Variants in KNDC1 observed in about 807,000 individuals in gnomAD.
The protein encoded by KNDC1 is kinase non-catalytic C-lobe domain containing 1.
KNDC1 carries 106 observed loss-of-function variants against 172.8 expected under a neutral mutation model. That is an observed-to-expected ratio of 0.61 (90% confidence interval 0.52 to 0.72). The LOEUF (loss-of-function observed/expected upper bound fraction) is 0.72, where lower values mean the gene tolerates loss of function less well. Ranked by LOEUF, KNDC1 falls within the 30% of genes least tolerant of loss-of-function variation. The pLI is 0.00. For synonymous variants in KNDC1, 1,083 were observed against 1,062.2 expected, an observed-to-expected ratio of 1.02 and a Z score of -0.38; for missense variants, 2,325 against 2,394.5, an observed-to-expected ratio of 0.97 and a Z score of 0.61.
chr10:133,214,499 A>C (rs1845437289), intron 26 of KNDC1, among the ~76,000 whole-genome samples: 1 of 150,460 alleles, frequency 6.6e-6, no homozygotes, highest in Non-Finnish European at 1.5e-5. Context: ...CACTGCTACC[A>C]CCCCCACCTG....
chr10:133,217,674 A>G (rs1845496064), intron 26 of KNDC1, among the ~76,000 whole-genome samples: 1 of 151,918 alleles, frequency 6.6e-6, no homozygotes, highest in Admixed American at 6.6e-5. Context: ...CCCCATCTCT[A>G]CTAAAAATAC....
chr10:133,216,671 CA>C (rs930629624), intron 26 of KNDC1, among the ~76,000 whole-genome samples: 2 of 150,686 alleles, frequency 1.3e-5, no homozygotes, highest in Non-Finnish European at 3.0e-5. Context: ...GACCCTATCT[CA>C]AAAAAAATAA....
intron 16 of KNDC1, among the ~76,000 whole-genome samples, chr10:133,200,674 G>A (rs1308200811): frequency 6.6e-6 from 1 of 152,030 alleles, no homozygotes; most frequent in South Asian, 2.1e-4. Context: ...GCCAAAGGCC[G>A]TCCTCTCCTG....
rs1377056855 is a variant in KNDC1 at position 133,201,486 on chromosome 10, T to G, written c.2990-15T>G. 1 of 1,578,252 alleles carries G rather than the reference T, an allele frequency of 6.3e-7. No individual in the cohort carries two copies. Among genetic ancestry groups the G allele is most frequent in the East Asian group, 2.2e-5 (1 of 44,602 alleles). Reference sequence around the variant, plus strand: ...GGAGCCACTGTCCACGTAACCTGCGTCTCTTTCTTTCAAGGAAAAGAGAAG... The same window carrying G: ...GGAGCCACTGTCCACGTAACCTGCGGCTCTTTCTTTCAAGGAAAAGAGAAG... On this transcript the variant is annotated splice_polypyrimidine_tract_variant and intron_variant, in intron 16 of 29. Coordinates refer to ENST00000304613, the MANE Select transcript of KNDC1 (RefSeq NM_152643.8).
rs186494716 is a variant in KNDC1 at position 133,188,069 on chromosome 10, G to A, written c.1327-470G>A. 5.8e-4 allele frequency among the ~76,000 whole-genome samples: 88 copies of A among 152,220 alleles called. 1 individual carries two copies. The highest frequency in any genetic ancestry group is 1.9e-3 in the African/African-American group (79 of 41,544). ...CGGTTCCTCCCCAGGGAGCCTGCGT[G>A]AGAACCCCCCATCCCTGTCCCGAGG... On this transcript the variant is annotated intron_variant, in intron 6 of 29. Transcript: ENST00000304613.
At chr10:133,182,336 G>A (rs7086197) in intron 3 of KNDC1, among the ~76,000 whole-genome samples, 58,634 of 151,554 alleles carry the variant, frequency 0.39, 13,094 homozygotes, top group South Asian at 0.63. Flanking sequence ...CAGGACGCAG[G>A]TGCATGTCCA....
Position 133,213,981 on chromosome 10 carries a change from T to C in KNDC1, c.4536T>C (p.Ser1512=), listed in dbSNP as rs1845426226. 8.7e-6 allele frequency: 14 copies of C among 1,614,160 alleles called. No homozygotes were observed. Among genetic ancestry groups the C allele is most frequent in the Non-Finnish European group, 1.2e-5 (14 of 1,179,980 alleles). ...CATATTTCTCTTCCAGAGCCAGCTC[T>C]TCTGAGTCTCTTTCGGCCAAAACCT... The part of the protein sequence containing the change: ...DKSTAIPKAS[S]SESLSAKTCS... Residue 1512 remains serine, a synonymous_variant, in exon 26 of 30, where the codon TCT becomes TCC. Coordinates refer to ENST00000304613, the MANE Select transcript of KNDC1 (RefSeq NM_152643.8).
chr10:133,193,525 C>G (rs1300216521), intron 9 of KNDC1, among the ~76,000 whole-genome samples: 1 of 150,588 alleles, frequency 6.6e-6, no homozygotes, highest in East Asian at 1.9e-4. Flanking sequence ...GACCCTGTCT[C>G]TTAAATAAAT....
At chr10:133,170,086 T>C (rs1279898777) in intron 3 of KNDC1, among the ~76,000 whole-genome samples, 1 of 152,242 alleles carries the variant, frequency 6.6e-6, no homozygotes, top group African/African-American at 2.4e-5. Flanking sequence ...GTGGCCATAA[T>C]GTGGCACCTG....
At chr10:133,172,101 G>A (rs569554457) in intron 3 of KNDC1, among the ~76,000 whole-genome samples, 145 of 152,304 alleles carry the variant, frequency 9.5e-4, no homozygotes, top group Middle Eastern at 3.4e-3. Context: ...CTTACTTGAT[G>A]CAGCAGGGAA....
At chr10:133,202,680 G>C in intron 17 of KNDC1, 1 of 456,672 alleles carries the variant, frequency 2.2e-6, no homozygotes, top group Non-Finnish European at 4.4e-6. Flanking sequence ...CTCCTCTCCT[G>C]CCGCCTCCTG....
At chr10:133,211,391 T>TGGCAGCTC (rs1209602639) in intron 21 of KNDC1, 31 bp from the exon 22 acceptor site, 2 of 1,602,742 alleles carry the variant, frequency 1.2e-6, no homozygotes, top group Admixed American at 1.7e-5. Flanking sequence ...TCCCACATCC[T>TGGCAGCTC]GGCAGCTCAG....
At chr10:133,192,244 C>T (rs892706773) in intron 9 of KNDC1, among the ~76,000 whole-genome samples, 2 of 152,226 alleles carry the variant, frequency 1.3e-5, no homozygotes, top group African/African-American at 2.4e-5. Flanking sequence ...CGTTACCCAA[C>T]TTCAAACTAT....
At chr10:133,221,713 TTATAA>T (rs1282878331) in intron 29 of KNDC1, among the ~76,000 whole-genome samples, 2 of 152,240 alleles carry the variant, frequency 1.3e-5, no homozygotes, top group East Asian at 1.9e-4. Context: ...AAAACAATAA[TTATAA>T]TATGCCATAA....
chr10:133,209,887 G>C lies in KNDC1; in HGVS notation c.3795-724G>C, dbSNP rs981600208. ...TCCGCTTCCTGACCGTGGCCGTCGG[G>C]CTCCCAGGACAGTCCCAGACCTGCA... On this transcript the variant is annotated intron_variant, in intron 20 of 29. Coordinates refer to ENST00000304613, the MANE Select transcript of KNDC1 (RefSeq NM_152643.8). The surrounding 1 kb of genome is among the most constrained non-coding windows in gnomAD (Gnocchi z 4.9). 1.3e-5 allele frequency among the ~76,000 whole-genome samples: 2 copies of C among 152,122 alleles called. No individual in the cohort carries two copies. The highest frequency in any genetic ancestry group is 4.8e-5 in the African/African-American group (2 of 41,404).
Position 133,186,500 on chromosome 10 carries a change from CAG to C in KNDC1, c.1153_1154del (p.Arg385GlyfsTer31). 1 of 1,612,374 alleles carries C rather than the reference CAG, an allele frequency of 6.2e-7. No individual in the cohort carries two copies. The highest frequency in any genetic ancestry group is 8.5e-7 in the Non-Finnish European group (1 of 1,179,762). ...TTCCCTGTGCAGGCCGCAGCACGGA[CAG>C]GGGCCCTGGGGTGCCCGGCAGTCCA... ...RVPCAGRSTDRGPGVPGSPGQ... is the reference protein window; with the variant it reads ...RVPCAGRSTDXGPGVPGSPGQ... On this transcript the variant is annotated frameshift_variant, in exon 6 of 30. Transcript: ENST00000304613. LOFTEE classifies it high-confidence loss of function.
At position 133,206,544 on chromosome 10, in the gene KNDC1, G is replaced by A. The variant is rs1053028887; in HGVS notation, c.3388-141G>A. On this transcript the variant is annotated intron_variant, in intron 17 of 29. Coordinates refer to ENST00000304613, the MANE Select transcript of KNDC1 (RefSeq NM_152643.8). ...GGCCGGGGCTGGCCTCGCTGGCTGAGTGGGCCTCTGTCTCCATGGGACCCT... is the reference window on the plus strand; with the variant it reads ...GGCCGGGGCTGGCCTCGCTGGCTGAATGGGCCTCTGTCTCCATGGGACCCT... 3.3e-5 allele frequency: 24 copies of A among 735,392 alleles called. 1 individual carries two copies. The highest frequency in any genetic ancestry group is 2.7e-4 in the South Asian group (16 of 59,950). The allele number at this position is 735,392 out of a possible 1,614,324, so 45.6% of individuals were successfully genotyped here. A position where few individuals can be genotyped will look rare whatever the true frequency, so the allele number is the denominator to read the frequency against.
intron 3 of KNDC1, among the ~76,000 whole-genome samples, chr10:133,179,804 G>A (rs1341622176): frequency 1.3e-5 from 2 of 152,054 alleles, no homozygotes; most frequent in Admixed American, 6.5e-5. Flanking sequence ...CCACCTCCTC[G>A]ACCCGGCTCC....
intron 16 of KNDC1, among the ~76,000 whole-genome samples, chr10:133,201,300 C>T (rs986216416): frequency 2.6e-5 from 4 of 152,158 alleles, no homozygotes; most frequent in Non-Finnish European, 5.9e-5. Flanking sequence ...CTCTGTCACC[C>T]GGCCCCGTGC....
Sources: gnomAD v4.1 joint callset for allele counts (sites outside exome capture counted in the v4.1 genomes callset) on GRCh38, gnomAD v4.1.1 for gene constraint, Gnocchi (gnomAD v3.1) non-coding constraint, MANE v1.5 for transcripts, NCBI Gene and HGNC (gene_info 2026-07-23, HGNC 2026-07-21) for gene names.